MAGI2: variants seen among roughly 807,000 people sequenced by gnomAD.
MAGI2 encodes the protein membrane-associated guanylate kinase, WW and PDZ domain-containing protein 2.
MAGI2 carries 35 observed loss-of-function variants against 133.3 expected under a neutral mutation model. That is an observed-to-expected ratio of 0.26 (90% CI 0.20 to 0.35). The LOEUF (loss-of-function observed/expected upper bound fraction) is 0.35, where lower values mean the gene tolerates loss of function less well. Among genes scored for constraint, MAGI2 ranks in the 10% least tolerant of loss-of-function variants. The pLI is 1.00. For missense variants in MAGI2, 1,636 were observed against 1,863.4 expected, an observed-to-expected ratio of 0.88 and a Z score of 2.25; for synonymous variants, 729 against 710.6, an observed-to-expected ratio of 1.03 and a Z score of -0.41.
intron 2 of MAGI2, among the ~76,000 whole-genome samples, chr7:78,913,893 T>C (rs377342708): frequency 6.6e-6 from 1 of 152,210 alleles, no homozygotes; most frequent in East Asian, 1.9e-4. Flanking sequence ...CAGTATCACC[T>C]GGAACACTGA....
rs1459065290 is a variant in MAGI2, at chr7:78,684,738, A to C, written c.419-57499T>G. On this transcript the variant is annotated intron_variant, in intron 2 of 21. Transcript: ENST00000354212. ...GGTGCTTCCAGGAAAAAAGAAAAAA[A>C]AGCATTTTTTTTCTCCCTAAAACTT... Among the ~76,000 whole-genome samples, 4 of 146,708 alleles carry C rather than the reference A, an allele frequency of 2.7e-5. No homozygotes were observed. The East Asian group carries it at 7.9e-4, about 29-fold the overall frequency.
chr7:79,266,766 T>C (rs1834491857), intron 1 of MAGI2, among the ~76,000 whole-genome samples: 1 of 152,086 alleles, frequency 6.6e-6, no homozygotes, highest in African/African-American at 2.4e-5. Context: ...TACTAGAGCA[T>C]ATGGAAAGTT....
At chr7:79,132,377 T>C (rs1821012963) in intron 1 of MAGI2, among the ~76,000 whole-genome samples, 1 of 152,124 alleles carries the variant, frequency 6.6e-6, no homozygotes. Context: ...AGCTCCCACT[T>C]ATAAATGAGA....
At chr7:78,055,617 A>T (rs1233386008) in intron 21 of MAGI2, among the ~76,000 whole-genome samples, 1 of 152,188 alleles carries the variant, frequency 6.6e-6, no homozygotes, top group Admixed American at 6.5e-5. Context: ...TTTTCTATAC[A>T]TGCAGTTCTA....
At chr7:78,853,529 A>C (rs576277130) in intron 2 of MAGI2, among the ~76,000 whole-genome samples, 1 of 150,014 alleles carries the variant, frequency 6.7e-6, no homozygotes, top group African/African-American at 2.4e-5. Context: ...CTAATTTTTT[A>C]ATCGTTTGTA....
At chr7:78,201,546 A>G (rs1829251792) in intron 10 of MAGI2, among the ~76,000 whole-genome samples, 1 of 152,240 alleles carries the variant, frequency 6.6e-6, no homozygotes, top group Non-Finnish European at 1.5e-5. Flanking sequence ...GGATATTGAC[A>G]TACATTTTGA....
At chr7:79,106,396 T>G (rs1818455796) in intron 1 of MAGI2, among the ~76,000 whole-genome samples, 1 of 152,234 alleles carries the variant, frequency 6.6e-6, no homozygotes, top group Admixed American at 6.5e-5. Flanking sequence ...GTGGTTACAG[T>G]ATTTTATGCA....
chr7:78,428,949 C>T (rs1799534232), intron 6 of MAGI2, among the ~76,000 whole-genome samples: 2 of 152,122 alleles, frequency 1.3e-5, no homozygotes, highest in South Asian at 2.1e-4. Context: ...ACACATTTAC[C>T]ATATAGCGTA....
chr7:78,997,180 T>C (rs1806387941), intron 2 of MAGI2, among the ~76,000 whole-genome samples: 1 of 152,196 alleles, frequency 6.6e-6, no homozygotes, highest in South Asian at 2.1e-4. Flanking sequence ...GGAGATATTG[T>C]GCAGATATTT....
intron 3 of MAGI2, among the ~76,000 whole-genome samples, chr7:78,550,479 G>T (rs1321221058): frequency 6.6e-6 from 1 of 152,098 alleles, no homozygotes; most frequent in Non-Finnish European, 1.5e-5. Flanking sequence ...AAAATTAGGG[G>T]AAAGAGACAA....
At chr7:78,608,713 CT>C (rs1030618546) in intron 3 of MAGI2, among the ~76,000 whole-genome samples, 5 of 152,048 alleles carry the variant, frequency 3.3e-5, no homozygotes, top group African/African-American at 1.2e-4. Flanking sequence ...ATGTTAGGCA[CT>C]TTAATTTATG....
chr7:78,725,988 G>A (rs900662687), intron 2 of MAGI2, among the ~76,000 whole-genome samples: 4 of 151,886 alleles, frequency 2.6e-5, no homozygotes, highest in Admixed American at 2.0e-4. Context: ...TTTTAATATA[G>A]TTGCTCAAAA....
rs66901516 is a variant in MAGI2 at position 79,417,750 on chromosome 7, CA to C, written c.301+35269del. Among the ~76,000 whole-genome samples, 319 of 129,696 alleles carry C rather than the reference CA, an allele frequency of 2.5e-3. 2 individuals carry two copies. Among genetic ancestry groups the C allele is most frequent in the East Asian group, 9.4e-3 (38 of 4,044 alleles). The allele number at this position is 129,696 out of a possible 152,430, so 85.1% of individuals were successfully genotyped here. On this transcript the variant is annotated intron_variant, in intron 1 of 21. Transcript: ENST00000354212. ...ATAGTTGAATATGTCCACATATGCA[CA>C]AAAAAAAAAAATAACTTACAGACTG...
chr7:78,263,637 G>A (rs1793724724), intron 9 of MAGI2, among the ~76,000 whole-genome samples: 1 of 152,066 alleles, frequency 6.6e-6, no homozygotes, highest in Non-Finnish European at 1.5e-5. Context: ...AATCAGGAGG[G>A]TGTGAATAGT....
At chr7:78,779,098 C>A (rs1366358321) in intron 2 of MAGI2, among the ~76,000 whole-genome samples, 1 of 151,886 alleles carries the variant, frequency 6.6e-6, no homozygotes, top group African/African-American at 2.4e-5. Flanking sequence ...TTAGTAGAGG[C>A]GGAGTTTCAA....
chr7:78,821,502 CAA>C (rs1790108310), intron 2 of MAGI2, among the ~76,000 whole-genome samples: 1 of 151,886 alleles, frequency 6.6e-6, no homozygotes. Flanking sequence ...AAATGCATAA[CAA>C]AACTACAGAC....
chr7:79,324,611 ATATATATAATATATATATT>A lies in MAGI2; in HGVS notation c.301+128390_301+128408del, dbSNP rs1839488753. On this transcript the variant is annotated intron_variant, in intron 1 of 21. Transcript: ENST00000354212. The stretch of plus-strand genomic sequence containing the variant: ...ATATATAACAATATATATATAAAAA[ATATATATAATATATATATT>A]ATATATATATAAAATATATATATAT... Among the ~76,000 whole-genome samples, 9 of 12,172 alleles carry A rather than the reference ATATATATAATATATATATT, an allele frequency of 7.4e-4. 3 individuals carry two copies. Among genetic ancestry groups the A allele is most frequent in the African/African-American group, 1.7e-3 (9 of 5,260 alleles). 8.0% of individuals were successfully genotyped at this position (12,172 alleles called of 152,430 possible).
At chr7:79,220,644 CG>C (rs1477671410) in intron 1 of MAGI2, among the ~76,000 whole-genome samples, 1 of 152,004 alleles carries the variant, frequency 6.6e-6, no homozygotes, top group Non-Finnish European at 1.5e-5. Flanking sequence ...AGCTAATGCT[CG>C]GGGGCTAAAT....
chr7:78,201,053 A>G (rs1829208853), intron 11 of MAGI2, 109 bp downstream of exon 11: 1 of 687,970 alleles, frequency 1.5e-6, no homozygotes, highest in Non-Finnish European at 2.4e-6. Flanking sequence ...TTTACATCAC[A>G]GACTCCTAGA....
Sources: gnomAD v4.1 joint callset for allele counts (sites outside exome capture counted in the v4.1 genomes callset) on GRCh38, gnomAD v4.1.1 for gene constraint, MANE v1.5 for transcripts, NCBI Gene and HGNC (gene_info 2026-07-23, HGNC 2026-07-21) for gene names.